The following CAMKMT variants were observed in gnomAD, a reference collection of about 807,000 sequenced individuals.
The protein encoded by CAMKMT is calmodulin-lysine N-methyltransferase, also known as CaM KMT.
In CAMKMT, 53 loss-of-function variants were observed where a neutral mutation model predicts 48.0. That is an observed-to-expected ratio of 1.10 (90% CI 0.89 to 1.39). CAMKMT has a LOEUF of 1.39. Ranked by LOEUF, CAMKMT falls within the 40% of genes most tolerant of loss-of-function variation. The pLI is 0.00. For synonymous variants in CAMKMT, 165 were observed against 152.3 expected, an observed-to-expected ratio of 1.08 and a Z score of -0.61; for missense variants, 428 against 402.7, an observed-to-expected ratio of 1.06 and a Z score of -0.54.
rs148897305 is a variant in CAMKMT at position 44,674,698 on chromosome 2, T to A, written c.377-29585T>A. ...CTGCAGGCCACATACAAAGTTATATTACATTGAGTTTGAAATGCTAACAAA... is the reference window on the plus strand; with the variant it reads ...CTGCAGGCCACATACAAAGTTATATAACATTGAGTTTGAAATGCTAACAAA... On this transcript the variant is annotated intron_variant, in intron 3 of 10. Coordinates refer to ENST00000378494, the MANE Select transcript of CAMKMT (RefSeq NM_024766.5). Among the ~76,000 whole-genome samples, 11 of 152,326 alleles carry A rather than the reference T, an allele frequency of 7.2e-5. No individual in the cohort carries two copies. The East Asian group carries it at 2.1e-3, about 29-fold the overall frequency.
At chr2:44,535,785 G>T (rs1174105501) in intron 3 of CAMKMT, among the ~76,000 whole-genome samples, 1 of 152,174 alleles carries the variant, frequency 6.6e-6, no homozygotes, top group Non-Finnish European at 1.5e-5. Context: ...ACATCATACT[G>T]AGTGGGGGCA....
chr2:44,599,599 G>T (rs1010588321), intron 3 of CAMKMT, among the ~76,000 whole-genome samples: 2 of 151,958 alleles, frequency 1.3e-5, no homozygotes, highest in African/African-American at 4.8e-5. Context: ...ATCAATCTAT[G>T]TAAATTTTTC....
chr2:44,449,348 C>A (rs544779596), intron 3 of CAMKMT, among the ~76,000 whole-genome samples: 7 of 152,272 alleles, frequency 4.6e-5, no homozygotes, highest in African/African-American at 1.7e-4. Context: ...AACTGACTAT[C>A]TCTGTGCTGA....
chr2:44,674,435 G>A (rs1285340452), intron 3 of CAMKMT, among the ~76,000 whole-genome samples: 1 of 152,126 alleles, frequency 6.6e-6, no homozygotes, highest in Non-Finnish European at 1.5e-5. Flanking sequence ...GCACATAGCT[G>A]GGGTTCGAAA....
intron 3 of CAMKMT, among the ~76,000 whole-genome samples, chr2:44,419,647 A>G (rs1683794267): frequency 6.6e-6 from 1 of 152,346 alleles, no homozygotes; most frequent in East Asian, 1.9e-4. Flanking sequence ...TGGCACAGTC[A>G]TCACCGTAAC....
intron 3 of CAMKMT, among the ~76,000 whole-genome samples, chr2:44,461,935 C>T (rs982516958): frequency 2.4e-4 from 36 of 152,112 alleles, no homozygotes; most frequent in African/African-American, 7.5e-4. Context: ...CGAGCTCATA[C>T]TGTGTTCTTG....
intron 3 of CAMKMT, among the ~76,000 whole-genome samples, chr2:44,570,257 A>G (rs1398498866): frequency 1.3e-5 from 2 of 152,214 alleles, no homozygotes; most frequent in African/African-American, 4.8e-5. Context: ...TAAATGCCTG[A>G]TTAATAAATA....
intron 3 of CAMKMT, among the ~76,000 whole-genome samples, chr2:44,479,663 A>G (rs1273690836): frequency 6.6e-6 from 1 of 152,170 alleles, no homozygotes; most frequent in African/African-American, 2.4e-5. Context: ...GAGCATAACA[A>G]TGGCTCGATT....
intron 1 of CAMKMT, among the ~76,000 whole-genome samples, chr2:44,367,063 C>T (rs1284827156): frequency 5.3e-5 from 8 of 152,042 alleles, no homozygotes; most frequent in African/African-American, 1.7e-4. Context: ...CTATAGCTTC[C>T]GCATGTAAAG....
At chr2:44,465,311 A>C (rs1435881418) in intron 3 of CAMKMT, among the ~76,000 whole-genome samples, 2 of 152,118 alleles carry the variant, frequency 1.3e-5, no homozygotes, top group Non-Finnish European at 2.9e-5. Flanking sequence ...AAAATCAATG[A>C]AACAGGCTGG....
At chr2:44,451,284 A>C (rs1667273841) in intron 3 of CAMKMT, among the ~76,000 whole-genome samples, 2 of 152,098 alleles carry the variant, frequency 1.3e-5, no homozygotes. Flanking sequence ...TCTCATGTAC[A>C]TGTATTACAG....
chr2:44,592,689 C>A (rs1018619119), intron 3 of CAMKMT, among the ~76,000 whole-genome samples: 2 of 152,134 alleles, frequency 1.3e-5, no homozygotes, highest in Non-Finnish European at 2.9e-5. Flanking sequence ...ATAGTATATA[C>A]AGGGTTCAGT....
At chr2:44,630,818 C>T (rs1239023310) in intron 3 of CAMKMT, among the ~76,000 whole-genome samples, 9 of 151,280 alleles carry the variant, frequency 5.9e-5, no homozygotes, top group South Asian at 2.1e-4. Context: ...ACTAGTTCAA[C>T]CATTTGGGAA....
chr2:44,721,099 G>A (rs886264298), intron 7 of CAMKMT, among the ~76,000 whole-genome samples: 1 of 152,078 alleles, frequency 6.6e-6, no homozygotes, highest in African/African-American at 2.4e-5. Flanking sequence ...TGCAGATGAT[G>A]ACAATTGTAA....
rs1296415212 is a variant in CAMKMT at position 44,516,249 on chromosome 2, G to A, written c.376+125944G>A. The stretch of plus-strand genomic sequence containing the variant: ...AAATTAAGTACCTTTCCCACTGCGA[G>A]TTTTTTAGAAACACTTAATGAAGTA... On this transcript the variant is annotated intron_variant, in intron 3 of 10. Coordinates refer to ENST00000378494, the MANE Select transcript of CAMKMT (RefSeq NM_024766.5). 2.0e-5 allele frequency among the ~76,000 whole-genome samples: 3 copies of A among 152,170 alleles called. No individual in the cohort carries two copies. In the East Asian group the frequency reaches 5.8e-4, roughly 29 times the overall value.
intron 3 of CAMKMT, among the ~76,000 whole-genome samples, chr2:44,614,335 C>T (rs967948907): frequency 5.9e-5 from 9 of 152,200 alleles, no homozygotes; most frequent in African/African-American, 2.2e-4. Context: ...AATACAGTTC[C>T]TGTCTGGTGA....
At chr2:44,644,865 T>A (rs1364224145) in intron 3 of CAMKMT, among the ~76,000 whole-genome samples, 1 of 152,210 alleles carries the variant, frequency 6.6e-6, no homozygotes, top group Non-Finnish European at 1.5e-5. Context: ...AGTGGTTTCT[T>A]ATGATTTTTT....
At chr2:44,372,432 CAGTG>C (rs1679271408) in intron 1 of CAMKMT, among the ~76,000 whole-genome samples, 1 of 147,242 alleles carries the variant, frequency 6.8e-6, no homozygotes, top group African/African-American at 2.5e-5. Context: ...GGCTGGGTGA[CAGTG>C]AGGCTGCGTG....
intron 3 of CAMKMT, among the ~76,000 whole-genome samples, chr2:44,567,615 TGGAAGCAAAAGAC>T (rs1327031177): frequency 6.6e-6 from 1 of 152,042 alleles, no homozygotes; most frequent in African/African-American, 2.4e-5. Context: ...GCTTGTTTTC[TGGAAGCAAAAGAC>T]TGCTATTAGA....
Sources: allele counts gnomAD v4.1 joint callset (sites outside exome capture counted in the v4.1 genomes callset), GRCh38; gene constraint gnomAD v4.1.1; transcripts MANE v1.5; gene names NCBI Gene and HGNC (gene_info 2026-07-23, HGNC 2026-07-21).